The following TIMP3 variants were observed in gnomAD, a reference collection of about 807,000 sequenced individuals.
TIMP3 encodes TIMP metallopeptidase inhibitor 3, also known as metalloproteinase inhibitor 3.
A neutral mutation model predicts 30.0 loss-of-function variants in TIMP3; 11 were observed. That is an observed-to-expected ratio of 0.37 (90% CI 0.23 to 0.61). The LOEUF is 0.61. TIMP3 is among the 20% of genes least tolerant of loss of function. The pLI is 0.70. For missense variants in TIMP3, 181 were observed against 276.8 expected, an observed-to-expected ratio of 0.65 and a Z score of 2.45; for synonymous variants, 112 against 111.3, an observed-to-expected ratio of 1.01 and a Z score of -0.04.
In TIMP3 at chr22:32,837,393, G is replaced by A. The variant is rs993436567; in HGVS notation, c.122-12059G>A. Among the ~76,000 whole-genome samples, 10 of 108,464 alleles carry A rather than the reference G, an allele frequency of 9.2e-5. No individual in the cohort carries two copies. Among genetic ancestry groups the A allele is most frequent in the Admixed American group, 7.4e-4 (9 of 12,240 alleles). The allele number at this position is 108,464 out of a possible 152,430, so 71.2% of individuals were successfully genotyped here. ...AAGCAAGTCGGCGCCTCTGACCCCT[G>A]AGTGGGCTTGAGCTTTTGAGAGGTC... On this transcript the variant is annotated intron_variant, in intron 1 of 4. Coordinates refer to ENST00000266085, the MANE Select transcript of TIMP3 (RefSeq NM_000362.5). This position sits in a 1 kb window ranked among gnomAD's most constrained non-coding sequence, Gnocchi z 4.1.
At chr22:32,836,615 C>T (rs1345527258) in intron 1 of TIMP3, among the ~76,000 whole-genome samples, 9 of 152,130 alleles carry the variant, frequency 5.9e-5, no homozygotes, top group Non-Finnish European at 8.8e-5. Flanking sequence ...TATGTATGGG[C>T]TCGTTTTTCT....
chr22:32,851,576 G>A lies in TIMP3; in HGVS notation c.204+2042G>A, dbSNP rs78954299. Among the ~76,000 whole-genome samples the A allele has an allele frequency of 7.1e-3, 1,078 of 152,272 alleles. 6 individuals carry two copies. Among genetic ancestry groups the A allele is most frequent in the African/African-American group, 0.014 (563 of 41,552 alleles). The stretch of plus-strand genomic sequence containing the variant: ...TTCACCATCCTTCGCCTGAGCTCAT[G>A]AATCATGGTGCTGGGAATTAGATGT... On this transcript the variant is annotated intron_variant, in intron 2 of 4. Coordinates refer to ENST00000266085, the MANE Select transcript of TIMP3 (RefSeq NM_000362.5).
intron 1 of TIMP3, among the ~76,000 whole-genome samples, chr22:32,809,755 G>A (rs1256618721): frequency 6.6e-6 from 1 of 152,220 alleles, no homozygotes; most frequent in African/African-American, 2.4e-5. Context: ...AGCCTGGGAA[G>A]TTTTCTCATG....
At chr22:32,849,605 G>T in intron 2 of TIMP3, 71 bp downstream of exon 2, 2 of 1,396,150 alleles carry the variant, frequency 1.4e-6, no homozygotes, top group Non-Finnish European at 1.0e-6. Flanking sequence ...GGCTAAGGGA[G>T]GCAAAGTGGG....
intron 1 of TIMP3, among the ~76,000 whole-genome samples, chr22:32,836,804 C>G (rs893579314): frequency 6.6e-6 from 1 of 152,170 alleles, no homozygotes; most frequent in Non-Finnish European, 1.5e-5. Flanking sequence ...AAAGCCTACA[C>G]TATTTTAAAA....
At chr22:32,822,428 C>A (rs1053957089) in intron 1 of TIMP3, among the ~76,000 whole-genome samples, 19 of 152,174 alleles carry the variant, frequency 1.2e-4, no homozygotes, top group African/African-American at 4.1e-4. Flanking sequence ...TGGTCTCTCA[C>A]CTTCACAGGC....
chr22:32,846,489 C>T (rs1242656158), intron 1 of TIMP3, among the ~76,000 whole-genome samples: 1 of 152,244 alleles, frequency 6.6e-6, no homozygotes, highest in African/African-American at 2.4e-5. Flanking sequence ...GTAGCAAACA[C>T]ATGAGGTTTG....
intron 1 of TIMP3, among the ~76,000 whole-genome samples, chr22:32,844,398 C>T (rs2146212851): frequency 6.6e-6 from 1 of 152,282 alleles, no homozygotes; most frequent in Admixed American, 6.5e-5. Flanking sequence ...ACTGCTAGAG[C>T]TGGAGGTGGG....
chr22:32,814,135 T>A (rs57463389), intron 1 of TIMP3, among the ~76,000 whole-genome samples: 299 of 72,046 alleles, frequency 4.2e-3, no homozygotes, highest in African/African-American at 9.7e-3. Flanking sequence ...TGTGTGTGTG[T>A]GTGTGTGAGA....
chr22:32,805,070 G>A (rs1190216629), intron 1 of TIMP3, among the ~76,000 whole-genome samples: 1 of 152,152 alleles, frequency 6.6e-6, no homozygotes, highest in East Asian at 1.9e-4. Context: ...AAAGGTGGCT[G>A]GCAGGGCTGA....
chr22:32,801,790 G>A lies in TIMP3; in HGVS notation c.-212G>A. ...CCAGCTCCTGCTCCTTCGCCGGGAG[G>A]CCGCCCGCCGAGTCCTGCGCCAGCG... is the stretch of plus-strand genomic sequence containing the variant. On this transcript the variant is annotated 5_prime_UTR_variant, in exon 1 of 5. Coordinates refer to ENST00000266085, the MANE Select transcript of TIMP3 (RefSeq NM_000362.5). This position sits in a 1 kb window ranked among gnomAD's most constrained non-coding sequence, Gnocchi z 4.7. The A allele has an allele frequency of 2.6e-6, 1 of 388,596 alleles. No individual in the cohort carries two copies. Among genetic ancestry groups the A allele is most frequent in the Non-Finnish European group, 3.9e-6 (1 of 254,950 alleles). The allele number at this position is 388,596 out of a possible 1,614,324, so 24.1% of individuals were successfully genotyped here.
chr22:32,835,058 C>T (rs994076512), intron 1 of TIMP3, among the ~76,000 whole-genome samples: 1 of 152,176 alleles, frequency 6.6e-6, no homozygotes, highest in African/African-American at 2.4e-5. Context: ...TTGCCTGGAC[C>T]ATCCTTCTTT....
chr22:32,849,592 C>T, intron 2 of TIMP3, 58 bp downstream of exon 2: 1 of 1,508,530 alleles, frequency 6.6e-7, no homozygotes, highest in Non-Finnish European at 9.1e-7. Context: ...CCAGAAGAGT[C>T]CTGGCTAAGG....
At chr22:32,819,268 A>G (rs993113418) in intron 1 of TIMP3, among the ~76,000 whole-genome samples, 3 of 152,234 alleles carry the variant, frequency 2.0e-5, no homozygotes, top group Non-Finnish European at 4.4e-5. Context: ...GCAGATCCCC[A>G]GGACCAAAGG....
intron 2 of TIMP3, among the ~76,000 whole-genome samples, chr22:32,852,104 G>C (rs1382049232): frequency 6.6e-6 from 1 of 152,188 alleles, no homozygotes; most frequent in Non-Finnish European, 1.5e-5. Context: ...GCATAGATCA[G>C]TACTTATACT....
rs553867271 is a variant in TIMP3, at chr22:32,806,615, G to A, written c.121+4493G>A. On this transcript the variant is annotated intron_variant, in intron 1 of 4. Coordinates refer to ENST00000266085, the MANE Select transcript of TIMP3 (RefSeq NM_000362.5). ...GGCTGTGTGTGCCTAGGCACATATG[G>A]GCTACCTTTGAGCTTTAGTTTTCTT... Among the ~76,000 whole-genome samples the A allele has an allele frequency of 3.4e-4, 52 of 152,226 alleles. 1 individual carries two copies. The highest frequency in any genetic ancestry group is 1.2e-3 in the African/African-American group (51 of 41,526).
In TIMP3 at chr22:32,860,897, G is replaced by A. The variant is rs1198431610; in HGVS notation, c.*1520G>A. The A allele has an allele frequency of 6.9e-6, 1 of 144,166 alleles. No individual in the cohort carries two copies. Among genetic ancestry groups the A allele is most frequent in the Non-Finnish European group, 1.5e-5 (1 of 66,814 alleles). 8.9% of individuals were successfully genotyped at this position (144,166 alleles called of 1,614,324 possible). On this transcript the variant is annotated 3_prime_UTR_variant, in exon 5 of 5. Coordinates refer to ENST00000266085, the MANE Select transcript of TIMP3 (RefSeq NM_000362.5). Reference sequence around the variant, plus strand: ...GGAAAGCCTGAGTTTGCAACCAGTTGTAGGGTTTCTGTTGTGTTTTTTTTT... The same window carrying A: ...GGAAAGCCTGAGTTTGCAACCAGTTATAGGGTTTCTGTTGTGTTTTTTTTT...
chr22:32,840,933 T>A (rs2146195712), intron 1 of TIMP3, among the ~76,000 whole-genome samples: 1 of 152,346 alleles, frequency 6.6e-6, no homozygotes, highest in South Asian at 2.1e-4. Flanking sequence ...CCTGTATACG[T>A]CTTCACAATA....
At chr22:32,854,769 G>A (rs12165603) in intron 2 of TIMP3, among the ~76,000 whole-genome samples, 5,313 of 152,248 alleles carry the variant, frequency 0.035, 328 homozygotes, top group African/African-American at 0.12. Context: ...ACTTGGCTGC[G>A]TTACCGTGCT....
Sources: gnomAD v4.1 joint callset for allele counts (sites outside exome capture counted in the v4.1 genomes callset) on GRCh38, gnomAD v4.1.1 for gene constraint, Gnocchi (gnomAD v3.1) non-coding constraint, MANE v1.5 for transcripts, NCBI Gene and HGNC (gene_info 2026-07-23, HGNC 2026-07-21) for gene names.